AIG1: variants seen among roughly 807,000 people sequenced by gnomAD.
The protein encoded by AIG1 is androgen-induced gene 1 protein.
Under a neutral mutation model 31.4 loss-of-function variants are expected in AIG1, and 23 were observed. The observed-to-expected ratio is 0.73, with a 90% CI of 0.53 to 1.04. AIG1 has a LOEUF of 1.04. Among genes scored for constraint, AIG1 ranks in the 50% least tolerant of loss-of-function variants. The pLI is 0.00. For missense variants in AIG1, 274 were observed against 295.0 expected (o/e 0.93, Z 0.52); for synonymous variants, 100 against 110.5 (o/e 0.90, Z 0.60).
intron 3 of AIG1, among the ~76,000 whole-genome samples, chr6:143,267,150 G>A (rs531407794): frequency 6.6e-6 from 1 of 152,176 alleles, no homozygotes; most frequent in African/African-American, 2.4e-5. Flanking sequence ...GGAAGTCATG[G>A]TGCTTCCCCC....
At chr6:143,182,942 G>A (rs981660218) in intron 3 of AIG1, among the ~76,000 whole-genome samples, 1 of 152,058 alleles carries the variant, frequency 6.6e-6, no homozygotes, top group Non-Finnish European at 1.5e-5. Context: ...TGTATTTAAC[G>A]TCACTCTTCA....
intron 2 of AIG1, among the ~76,000 whole-genome samples, chr6:143,153,517 T>C (rs1785442516): frequency 6.6e-6 from 1 of 152,112 alleles, no homozygotes; most frequent in Non-Finnish European, 1.5e-5. Flanking sequence ...CTGGCTAATT[T>C]TTTTGTATTT....
rs1777790442 is a variant in AIG1, at chr6:143,340,009, A to G, written c.*333A>G. 4.9e-6 allele frequency: 1 copy of G among 205,170 alleles called. No individual in the cohort carries two copies. Among genetic ancestry groups the G allele is most frequent in the Admixed American group, 5.9e-5 (1 of 16,822 alleles). 12.7% of individuals were successfully genotyped at this position (205,170 alleles called of 1,614,324 possible). The stretch of plus-strand genomic sequence containing the variant: ...TCTAATCAAGAAAGAATAAAAGTTT[A>G]TTGCACTTCTTTTTGAGAAATATGT... On this transcript the variant is annotated 3_prime_UTR_variant, in exon 6 of 6. Coordinates refer to ENST00000357847, the MANE Select transcript of AIG1 (RefSeq NM_016108.4).
At chr6:143,080,476 G>C (rs931211838) in intron 1 of AIG1, among the ~76,000 whole-genome samples, 12 of 151,900 alleles carry the variant, frequency 7.9e-5, no homozygotes, top group African/African-American at 2.9e-4. Flanking sequence ...GTGCAAGTGG[G>C]GTTTCCTTTA....
intron 3 of AIG1, among the ~76,000 whole-genome samples, chr6:143,220,531 C>T (rs947533011): frequency 6.6e-6 from 1 of 152,116 alleles, no homozygotes; most frequent in Non-Finnish European, 1.5e-5. Flanking sequence ...TAATTGCCAA[C>T]TCTGAAGCTT....
At chr6:143,131,337 C>T (rs963209376) in intron 1 of AIG1, among the ~76,000 whole-genome samples, 4 of 152,102 alleles carry the variant, frequency 2.6e-5, no homozygotes, top group African/African-American at 4.8e-5. Context: ...TTTTAAATGG[C>T]CCCCAGAGAT....
At chr6:143,107,178 C>T (rs781035498) in intron 1 of AIG1, among the ~76,000 whole-genome samples, 8 of 152,084 alleles carry the variant, frequency 5.3e-5, no homozygotes, top group East Asian at 3.8e-4. Flanking sequence ...GTTTTTATAA[C>T]GTAGCACTGT....
At chr6:143,067,751 A>C (rs995967129) in intron 1 of AIG1, among the ~76,000 whole-genome samples, 33 of 152,174 alleles carry the variant, frequency 2.2e-4, no homozygotes, top group African/African-American at 7.2e-4. Flanking sequence ...ACACATTGCC[A>C]CGTGAAGGCC....
intron 2 of AIG1, among the ~76,000 whole-genome samples, chr6:143,154,307 A>G (rs564468943): frequency 2.2e-4 from 34 of 152,284 alleles, no homozygotes; most frequent in Admixed American, 1.9e-3. Context: ...TGGCCCATAC[A>G]TTGTTAAGAC....
intron 3 of AIG1, among the ~76,000 whole-genome samples, chr6:143,217,114 A>G (rs916914714): frequency 6.6e-6 from 1 of 152,216 alleles, no homozygotes; most frequent in Non-Finnish European, 1.5e-5. Flanking sequence ...TCTAACATAG[A>G]ATAGAACCAG....
At chr6:143,272,753 G>T (rs1012766999) in intron 3 of AIG1, among the ~76,000 whole-genome samples, 3 of 152,210 alleles carry the variant, frequency 2.0e-5, no homozygotes, top group African/African-American at 7.2e-5. Context: ...AGTGGTATAA[G>T]ATTAATCTAG....
At chr6:143,090,475 TG>T (rs1036795635) in intron 1 of AIG1, among the ~76,000 whole-genome samples, 1 of 152,212 alleles carries the variant, frequency 6.6e-6, no homozygotes, top group African/African-American at 2.4e-5. Flanking sequence ...CTGGTGAAAT[TG>T]TTTTCCAATA....
chr6:143,276,059 C>T (rs1039760507), intron 3 of AIG1, among the ~76,000 whole-genome samples: 1 of 152,174 alleles, frequency 6.6e-6, no homozygotes, highest in African/African-American at 2.4e-5. Flanking sequence ...TTAGCACCTC[C>T]TGGGTGTCCT....
chr6:143,206,800 G>A (rs1423499476), intron 3 of AIG1, among the ~76,000 whole-genome samples: 1 of 152,116 alleles, frequency 6.6e-6, no homozygotes, highest in African/African-American at 2.4e-5. Context: ...TTAAGTTCAA[G>A]CATGCAGAAA....
At chr6:143,234,050 C>T (rs1793636534) in intron 3 of AIG1, among the ~76,000 whole-genome samples, 1 of 152,194 alleles carries the variant, frequency 6.6e-6, no homozygotes, top group South Asian at 2.1e-4. Flanking sequence ...GCCTCTCTGG[C>T]ATCTGTCCAT....
At chr6:143,067,176 T>TA (rs796111505) in intron 1 of AIG1, among the ~76,000 whole-genome samples, 164 of 148,314 alleles carry the variant, frequency 1.1e-3, no homozygotes, top group Middle Eastern at 3.4e-3. Context: ...TAAATAAAAA[T>TA]AAAAAAAAAA....
chr6:143,061,101 C>T, intron 1 of AIG1, 35 bp downstream of exon 1: 1 of 1,605,888 alleles, frequency 6.2e-7, no homozygotes, highest in Non-Finnish European at 8.5e-7. Context: ...CGCCCCGCAC[C>T]CCGTGCCTGT....
chr6:143,163,852 A>G (rs1266307508), intron 2 of AIG1, among the ~76,000 whole-genome samples: 2 of 152,094 alleles, frequency 1.3e-5, no homozygotes, highest in African/African-American at 2.4e-5. Flanking sequence ...GCCAATCAAA[A>G]TACTGCCTGG....
chr6:143,298,060 C>G lies in AIG1; in HGVS notation c.515+13835C>G, dbSNP rs1488934848. 1.4e-5 allele frequency among the ~76,000 whole-genome samples: 2 copies of G among 139,980 alleles called. No individual in the cohort carries two copies. Among genetic ancestry groups the G allele is most frequent in the African/African-American group, 3.0e-5 (1 of 33,556 alleles). 91.8% of individuals were successfully genotyped at this position (139,980 alleles called of 152,430 possible). A position where few individuals can be genotyped will look rare whatever the true frequency, so the allele number is the denominator to read the frequency against. On this transcript the variant is annotated intron_variant, in intron 4 of 5. Coordinates refer to ENST00000357847, the MANE Select transcript of AIG1 (RefSeq NM_016108.4). This position sits in a 1 kb window ranked among gnomAD's most constrained non-coding sequence, Gnocchi z 5.1. ...ATGAGTAATTTAGCCCTGTGACATT[C>G]TGCTGCAAAAAAAAAAAACATTGGA... is the stretch of plus-strand genomic sequence containing the variant.
Sources: gnomAD v4.1 joint callset for allele counts (sites outside exome capture counted in the v4.1 genomes callset) on GRCh38, gnomAD v4.1.1 for gene constraint, Gnocchi (gnomAD v3.1) non-coding constraint, MANE v1.5 for transcripts, NCBI Gene and HGNC (gene_info 2026-07-23, HGNC 2026-07-21) for gene names.